Variants in PRKN observed in about 807,000 individuals in gnomAD.
PRKN encodes the protein parkin RBR E3 ubiquitin protein ligase, also known as E3 ubiquitin-protein ligase parkin.
In PRKN, 56 loss-of-function variants were observed where a neutral mutation model predicts 59.5. That is an observed-to-expected ratio of 0.94 (90% CI 0.76 to 1.18). PRKN has a LOEUF of 1.18. Ranked by LOEUF, PRKN falls within the 50% of genes most tolerant of loss-of-function variation. The probability of loss-of-function intolerance (pLI) is 0.00; values close to 1 mark genes in which losing one functional copy is unlikely to be tolerated. For synonymous variants in PRKN, 250 were observed against 222.1 expected, an observed-to-expected ratio of 1.13 and a Z score of -1.12; for missense variants, 657 against 596.4, an observed-to-expected ratio of 1.10 and a Z score of -1.06.
chr6:162,492,379 G>T (rs1036159136), intron 1 of PRKN, among the ~76,000 whole-genome samples: 3 of 152,186 alleles, frequency 2.0e-5, no homozygotes, highest in African/African-American at 7.2e-5. Context: ...CAGTGCCTAG[G>T]GGAGCACAGC....
At chr6:161,553,211 A>G (rs1006077590) in intron 8 of PRKN, among the ~76,000 whole-genome samples, 3 of 151,276 alleles carry the variant, frequency 2.0e-5, no homozygotes, top group African/African-American at 7.2e-5. Flanking sequence ...CATGTGACCT[A>G]CAGAGTTTCC....
At chr6:162,031,863 T>C (rs946023016) in intron 5 of PRKN, among the ~76,000 whole-genome samples, 2 of 152,160 alleles carry the variant, frequency 1.3e-5, no homozygotes, top group Non-Finnish European at 2.9e-5. Context: ...TTGCATGTCC[T>C]GAGGATATAT....
At chr6:161,662,670 T>C (rs113934887) in intron 7 of PRKN, among the ~76,000 whole-genome samples, 4 of 59,866 alleles carry the variant, frequency 6.7e-5, no homozygotes, top group African/African-American at 1.5e-4. Flanking sequence ...CTTTGTGTCT[T>C]TGTTTCCTTC....
At chr6:161,565,782 T>C (rs139040579) in intron 8 of PRKN, among the ~76,000 whole-genome samples, 1 of 152,286 alleles carries the variant, frequency 6.6e-6, no homozygotes, top group Non-Finnish European at 1.5e-5. Flanking sequence ...TTCCCCGATC[T>C]GTACTCTCAG....
In PRKN at chr6:161,429,513, T is replaced by A. The variant is rs1199857421; in HGVS notation, c.1084-42636A>T. On this transcript the variant is annotated intron_variant, in intron 9 of 11. Coordinates refer to ENST00000366898, the MANE Select transcript of PRKN (RefSeq NM_004562.3). The surrounding 1 kb of genome is among the most constrained non-coding windows in gnomAD (Gnocchi z 4.2). The stretch of plus-strand genomic sequence containing the variant: ...AGCTGAGACCTTGCAATGGCTAGGA[T>A]GTTGCTAGAAGAAGGAAATGGAAGC... 6.6e-6 allele frequency among the ~76,000 whole-genome samples: 1 copy of A among 152,100 alleles called. No homozygotes were observed. Among genetic ancestry groups the A allele is most frequent in the Non-Finnish European group, 1.5e-5 (1 of 68,026 alleles).
chr6:162,422,582 A>G lies in PRKN; in HGVS notation c.171+20728T>C, dbSNP rs992417800. Among the ~76,000 whole-genome samples, 3 of 152,284 alleles carry G rather than the reference A, an allele frequency of 2.0e-5. No homozygotes were observed. The South Asian group carries it at 6.2e-4, about 32-fold the overall frequency. On this transcript the variant is annotated intron_variant, in intron 2 of 11. Coordinates refer to ENST00000366898, the MANE Select transcript of PRKN (RefSeq NM_004562.3). Reference sequence around the variant, plus strand: ...TGGGTCACAGAGTTCTTTACGAGTAAGAACTGGGGATAATTGAGAGGGCTC... The same window carrying G: ...TGGGTCACAGAGTTCTTTACGAGTAGGAACTGGGGATAATTGAGAGGGCTC...
chr6:161,537,486 C>T (rs897717542), intron 9 of PRKN, among the ~76,000 whole-genome samples: 2 of 149,248 alleles, frequency 1.3e-5, no homozygotes, highest in East Asian at 3.9e-4. Flanking sequence ...GATTCTTGCT[C>T]TGTCGCCCAG....
chr6:162,063,546 T>A (rs1778193493), intron 4 of PRKN, among the ~76,000 whole-genome samples: 1 of 152,110 alleles, frequency 6.6e-6, no homozygotes, highest in Non-Finnish European at 1.5e-5. Context: ...TTTTGGAATT[T>A]CTTTCTTTTT....
chr6:161,657,315 T>C (rs1466196226), intron 7 of PRKN, among the ~76,000 whole-genome samples: 1 of 152,218 alleles, frequency 6.6e-6, no homozygotes, highest in Non-Finnish European at 1.5e-5. Context: ...GCTGGCTTCC[T>C]ATTAGGCCCT....
At chr6:162,329,572 T>C (rs923901613) in intron 2 of PRKN, among the ~76,000 whole-genome samples, 1 of 152,108 alleles carries the variant, frequency 6.6e-6, no homozygotes, top group Non-Finnish European at 1.5e-5. Context: ...TACATTAATT[T>C]TATGCATGAA....
chr6:162,534,552 A>C (rs1164875704), intron 1 of PRKN, among the ~76,000 whole-genome samples: 1 of 152,158 alleles, frequency 6.6e-6, no homozygotes, highest in African/African-American at 2.4e-5. Flanking sequence ...TGCACAGAGT[A>C]GTTATTCAAT....
chr6:161,748,729 CG>C (rs1049946406), intron 7 of PRKN, among the ~76,000 whole-genome samples: 148 of 152,068 alleles, frequency 9.7e-4, no homozygotes, highest in Non-Finnish European at 1.6e-3. Flanking sequence ...TGGGAAGACG[CG>C]GGGAGTGTAT....
At chr6:162,688,508 A>C (rs2128234478) in intron 1 of PRKN, among the ~76,000 whole-genome samples, 1 of 152,380 alleles carries the variant, frequency 6.6e-6, no homozygotes, top group South Asian at 2.1e-4. Context: ...AAAACAGATC[A>C]ATAGTACTAG....
At chr6:161,805,461 C>CAG (rs1791271683) in intron 6 of PRKN, among the ~76,000 whole-genome samples, 1 of 34,670 alleles carries the variant, frequency 2.9e-5, no homozygotes, top group Non-Finnish European at 1.2e-4. Context: ...TGCACACACA[C>CAG]ACACACACAC....
At chr6:161,891,331 A>G (rs1795336295) in intron 6 of PRKN, among the ~76,000 whole-genome samples, 1 of 152,222 alleles carries the variant, frequency 6.6e-6, no homozygotes. Flanking sequence ...ATCTTACCAT[A>G]AAAGTGACTT....
intron 6 of PRKN, among the ~76,000 whole-genome samples, chr6:161,947,642 G>A (rs547458130): frequency 6.6e-6 from 1 of 152,320 alleles, no homozygotes; most frequent in East Asian, 1.9e-4. Context: ...GAGCTCTGTA[G>A]TTGATTCGCA....
chr6:162,514,217 C>T (rs1359659509), intron 1 of PRKN, among the ~76,000 whole-genome samples: 1 of 151,810 alleles, frequency 6.6e-6, no homozygotes, highest in African/African-American at 2.4e-5. Flanking sequence ...CTAATTTCTT[C>T]TCTTTCAAAC....
intron 1 of PRKN, among the ~76,000 whole-genome samples, chr6:162,520,627 A>G (rs1318459090): frequency 6.6e-6 from 1 of 152,218 alleles, no homozygotes; most frequent in East Asian, 1.9e-4. Context: ...AAACACAAAG[A>G]TGGGCAAGAG....
At chr6:162,303,096 G>C (rs919388905) in intron 2 of PRKN, among the ~76,000 whole-genome samples, 10 of 151,116 alleles carry the variant, frequency 6.6e-5, no homozygotes, top group African/African-American at 2.5e-4. Context: ...TATTTGGAAA[G>C]GTAATTCAGT....
Sources: gnomAD v4.1 joint callset for allele counts (sites outside exome capture counted in the v4.1 genomes callset) on GRCh38, gnomAD v4.1.1 for gene constraint, Gnocchi (gnomAD v3.1) non-coding constraint, MANE v1.5 for transcripts, NCBI Gene and HGNC (gene_info 2026-07-23, HGNC 2026-07-21) for gene names.